The following MAML2 variants were observed in gnomAD, a reference collection of about 807,000 sequenced individuals.
MAML2 encodes the protein mastermind like transcriptional coactivator 2, also known as mastermind-like protein 2.
Under a neutral mutation model 96.1 loss-of-function variants are expected in MAML2, and 22 were observed. The ratio of observed to expected loss-of-function variants is 0.23; its 90% CI spans 0.16 to 0.33. MAML2 has a LOEUF of 0.33. Among genes scored for constraint, MAML2 ranks in the 10% least tolerant of loss-of-function variants. MAML2 has a pLI of 1.00. For missense variants in MAML2, 1,367 were observed against 1,392.4 expected (o/e 0.98, Z 0.29); for synonymous variants, 561 against 521.3 (o/e 1.08, Z -1.04).
In MAML2 at chr11:96,343,045, T is replaced by G; in HGVS notation, c.-1150A>C. ...TTCTATCTCCTGTATTTGCTCCGCT[T>G]TATAGATGGAAAAAAAAAGTAGCTT... On this transcript the variant is annotated 5_prime_UTR_variant, in exon 1 of 5. Transcript: ENST00000524717. 2.5e-6 allele frequency: 1 copy of G among 395,678 alleles called. No individual in the cohort carries two copies. The highest frequency in any genetic ancestry group is 4.5e-6 in the Non-Finnish European group (1 of 224,388). 24.5% of individuals were successfully genotyped at this position (395,678 alleles called of 1,614,324 possible).
At chr11:96,055,127 T>A (rs952366882) in intron 2 of MAML2, among the ~76,000 whole-genome samples, 1 of 152,200 alleles carries the variant, frequency 6.6e-6, no homozygotes, top group African/African-American at 2.4e-5. Flanking sequence ...CCTCCCTTAA[T>A]TGACTTCTAC....
At chr11:96,060,422 T>C (rs982491440) in intron 2 of MAML2, among the ~76,000 whole-genome samples, 1 of 152,084 alleles carries the variant, frequency 6.6e-6, no homozygotes, top group Non-Finnish European at 1.5e-5. Flanking sequence ...TATACGTGGA[T>C]CCGGACTTGT....
chr11:96,221,496 G>C (rs1021642207), intron 1 of MAML2, among the ~76,000 whole-genome samples: 1 of 152,122 alleles, frequency 6.6e-6, no homozygotes, highest in Non-Finnish European at 1.5e-5. Flanking sequence ...CCCGAGGTTA[G>C]AGACCCCACC....
At position 96,002,326 on chromosome 11, in the gene MAML2, G is replaced by A. The variant is rs117448893; in HGVS notation, c.2140-10603C>T. On this transcript the variant is annotated intron_variant, in intron 2 of 4. Coordinates refer to ENST00000524717, the MANE Select transcript of MAML2 (RefSeq NM_032427.4). Reference sequence around the variant, plus strand: ...AACTTCCTGCTGTGAGGCACATGGTGTGAAAATGTTGGCTCTTTCCAAAGG... The same window carrying A: ...AACTTCCTGCTGTGAGGCACATGGTATGAAAATGTTGGCTCTTTCCAAAGG... Among the ~76,000 whole-genome samples, 1,080 of 152,322 alleles carry A rather than the reference G, an allele frequency of 7.1e-3. 12 individuals carry two copies. Among genetic ancestry groups the A allele is most frequent in the African/African-American group, 0.021 (859 of 41,568 alleles).
intron 2 of MAML2, among the ~76,000 whole-genome samples, chr11:96,029,308 CT>C (rs1456021237): frequency 1.3e-5 from 2 of 151,990 alleles, no homozygotes; most frequent in African/African-American, 4.8e-5. Context: ...TAATGTTCCC[CT>C]GATAGGGATG....
chr11:96,260,781 C>G (rs1862738442), intron 1 of MAML2, among the ~76,000 whole-genome samples: 1 of 144,892 alleles, frequency 6.9e-6, no homozygotes, highest in African/African-American at 2.5e-5. Flanking sequence ...AGTCAGTTTT[C>G]TGTTATTTGC....
chr11:96,111,094 A>G (rs1860112057), intron 1 of MAML2, among the ~76,000 whole-genome samples: 1 of 152,190 alleles, frequency 6.6e-6, no homozygotes, highest in African/African-American at 2.4e-5. Context: ...GGACAGAGCA[A>G]TCCAACAACC....
At chr11:96,061,607 A>G (rs1340266018) in intron 2 of MAML2, among the ~76,000 whole-genome samples, 1 of 152,206 alleles carries the variant, frequency 6.6e-6, no homozygotes, top group Non-Finnish European at 1.5e-5. Flanking sequence ...TCAGAATGTC[A>G]TGACATGAAT....
chr11:96,092,210 TTGCTGCTGC>T lies in MAML2; in HGVS notation c.1812_1820del (p.Gln619_Gln621del), dbSNP rs60727839. 0.71 allele frequency: 1,031,787 copies of T among 1,452,414 alleles called. 324,065 individuals are homozygous for T. The highest frequency in any genetic ancestry group is 0.73 in the Non-Finnish European group (781,274 of 1,065,856). 90.0% of individuals were successfully genotyped at this position (1,452,414 alleles called of 1,614,324 possible). On this transcript the variant is annotated inframe_deletion, in exon 2 of 5. Coordinates refer to ENST00000524717, the MANE Select transcript of MAML2 (RefSeq NM_032427.4). This position sits in a 1 kb window ranked among gnomAD's most constrained non-coding sequence, Gnocchi z 4.1. ...GTTGCTGTTGCTGCTGCTGCTGCTG[TTGCTGCTGC>T]TGCTGCTGCTGCTGCTGCTGCTGCT...
intron 1 of MAML2, among the ~76,000 whole-genome samples, chr11:96,182,324 G>T (rs541902388): frequency 6.6e-6 from 1 of 152,112 alleles, no homozygotes; most frequent in Non-Finnish European, 1.5e-5. Context: ...AGAGCCTTAC[G>T]CATTCAACAA....
intron 1 of MAML2, among the ~76,000 whole-genome samples, chr11:96,276,817 A>C (rs1008706857): frequency 1.3e-3 from 46 of 36,756 alleles, no homozygotes; most frequent in African/African-American, 9.6e-3. Context: ...TCTCAGACCC[A>C]AAAAAAAAAA....
chr11:96,260,211 C>G (rs75384190), intron 1 of MAML2, among the ~76,000 whole-genome samples: 2,401 of 151,928 alleles, frequency 0.016, 71 homozygotes, highest in African/African-American at 0.055. Context: ...GGGAAGCAAA[C>G]TGGCAGACTC....
At chr11:96,188,804 A>G (rs941166900) in intron 1 of MAML2, among the ~76,000 whole-genome samples, 8 of 152,158 alleles carry the variant, frequency 5.3e-5, no homozygotes, top group Admixed American at 4.6e-4. Flanking sequence ...AAAAAAGCAC[A>G]TGTGAAACAT....
intron 1 of MAML2, among the ~76,000 whole-genome samples, chr11:96,317,579 G>C (rs550892121): frequency 6.6e-6 from 1 of 152,306 alleles, no homozygotes; most frequent in East Asian, 1.9e-4. Context: ...GAAGTTACTA[G>C]TGTCCCTTCC....
At chr11:96,283,015 TATATG>T (rs984125090) in intron 1 of MAML2, among the ~76,000 whole-genome samples, 5 of 152,340 alleles carry the variant, frequency 3.3e-5, no homozygotes, top group Admixed American at 1.3e-4. Context: ...GATAGTTTCT[TATATG>T]ATATAATTGT....
chr11:95,988,113 A>ATGTG (rs141507951), intron 3 of MAML2, among the ~76,000 whole-genome samples: 4,549 of 145,400 alleles, frequency 0.031, 79 homozygotes, highest in Middle Eastern at 0.099. Context: ...TGAAGACAGG[A>ATGTG]TGTGTGTGTG....
chr11:96,296,582 G>A (rs889290217), intron 1 of MAML2, among the ~76,000 whole-genome samples: 20 of 152,050 alleles, frequency 1.3e-4, no homozygotes, highest in African/African-American at 4.6e-4. Context: ...GGTGGAGATC[G>A]CAGTGAGCTG....
intron 2 of MAML2, among the ~76,000 whole-genome samples, chr11:96,052,081 T>G (rs7941059): frequency 0.38 from 57,912 of 152,102 alleles, 11,505 homozygotes; most frequent in Middle Eastern, 0.51. Context: ...CTTCCTGTAT[T>G]GCTTGCAAAA....
rs781515806 is a variant in MAML2 at position 96,341,656 on chromosome 11, T to C, written c.240A>G (p.Val80=). The change falls in exon 1 of 5, where the codon GTA becomes GTG. Residue 80 remains valine (V), a synonymous_variant. Transcript: ENST00000524717. ...RESTLQLLSL[V]QHGQGARKAG... is the part of the protein sequence containing the mutation. Reference sequence around the variant, plus strand: ...CTTTCCTTGCCCCCTGGCCATGCTGTACAAGGCTCAGGAGCTGCAAGGTGC... The same window carrying C: ...CTTTCCTTGCCCCCTGGCCATGCTGCACAAGGCTCAGGAGCTGCAAGGTGC... 5.1e-6 allele frequency: 8 copies of C among 1,569,656 alleles called. No individual in the cohort carries two copies. The highest frequency in any genetic ancestry group is 4.7e-5 in the South Asian group (4 of 85,642).
Sources: gnomAD v4.1 joint callset for allele counts (sites outside exome capture counted in the v4.1 genomes callset) on GRCh38, gnomAD v4.1.1 for gene constraint, Gnocchi (gnomAD v3.1) non-coding constraint, MANE v1.5 for transcripts, NCBI Gene and HGNC (gene_info 2026-07-23, HGNC 2026-07-21) for gene names.